The following MYO18B variants were observed in gnomAD, a reference collection of about 807,000 sequenced individuals.
MYO18B encodes the protein unconventional myosin-XVIIIb.
MYO18B carries 204 observed loss-of-function variants against 273.0 expected under a neutral mutation model. The observed-to-expected ratio is 0.75, with a 90% CI of 0.67 to 0.84. MYO18B has a LOEUF of 0.84. MYO18B is among the 40% of genes least tolerant of loss of function. The probability of loss-of-function intolerance (pLI) is 0.00; values close to 1 mark genes in which losing one functional copy is unlikely to be tolerated. For missense variants in MYO18B, 3,212 were observed against 3,287.6 expected (o/e 0.98, Z 0.56); for synonymous variants, 1,330 against 1,305.7 (o/e 1.02, Z -0.40).
intron 3 of MYO18B, among the ~76,000 whole-genome samples, chr22:25,764,953 G>A (rs1029083024): frequency 6.6e-6 from 1 of 152,200 alleles, no homozygotes; most frequent in Non-Finnish European, 1.5e-5. Flanking sequence ...GGGAGAGCCT[G>A]TGTGTTCTCT....
intron 34 of MYO18B, among the ~76,000 whole-genome samples, chr22:25,932,973 A>G (rs1035625101): frequency 2.0e-5 from 3 of 152,210 alleles, no homozygotes; most frequent in East Asian, 3.9e-4. Flanking sequence ...AAATTTTGCC[A>G]ATTACCCCCC....
At chr22:26,040,479 A>C in the MYO18B span, among the ~76,000 whole-genome samples, 1 of 152,212 alleles carries the variant, frequency 6.6e-6, no homozygotes, top group African/African-American at 2.4e-5. Flanking sequence ...GGGTGGGAGC[A>C]AATGGTAAAC....
intron 11 of MYO18B, among the ~76,000 whole-genome samples, 198 bp downstream of exon 11, chr22:25,785,689 C>A (rs942974302): frequency 1.3e-5 from 2 of 152,104 alleles, no homozygotes; most frequent in Non-Finnish European, 2.9e-5. Context: ...ATAAAGGAAA[C>A]CAGACATAGT....
intron 12 of MYO18B, among the ~76,000 whole-genome samples, chr22:25,811,269 C>T (rs1056616333): frequency 3.9e-5 from 6 of 151,908 alleles, no homozygotes; most frequent in Admixed American, 3.3e-4. Flanking sequence ...GTAATCCTCC[C>T]ACTTCGGTCT....
At chr22:25,956,877 G>C (rs913002839) in intron 39 of MYO18B, among the ~76,000 whole-genome samples, 15 of 152,096 alleles carry the variant, frequency 9.9e-5, no homozygotes, top group African/African-American at 3.6e-4. Context: ...ATATGTCTCG[G>C]GCTACTGTCT....
chr22:25,836,251 C>T (rs968224874), intron 17 of MYO18B, among the ~76,000 whole-genome samples: 1 of 152,162 alleles, frequency 6.6e-6, no homozygotes, highest in Non-Finnish European at 1.5e-5. Flanking sequence ...GCAAACCTCT[C>T]GTAGTCTTAG....
At chr22:25,853,897 G>A (rs1427279009) in intron 21 of MYO18B, among the ~76,000 whole-genome samples, 1 of 152,132 alleles carries the variant, frequency 6.6e-6, no homozygotes, top group Non-Finnish European at 1.5e-5. Flanking sequence ...GCAACGAAAA[G>A]AAACATCATC....
At chr22:25,792,340 C>T (rs560362416) in intron 11 of MYO18B, among the ~76,000 whole-genome samples, 1 of 151,034 alleles carries the variant, frequency 6.6e-6, no homozygotes, top group South Asian at 2.1e-4. Flanking sequence ...TAAATGGACT[C>T]TTGATGCTGA....
chr22:25,778,651 TTTTTA>T (rs1321130875), intron 8 of MYO18B, among the ~76,000 whole-genome samples: 2 of 151,932 alleles, frequency 1.3e-5, no homozygotes, highest in African/African-American at 2.4e-5. Flanking sequence ...GGCTATTTTA[TTTTTA>T]TTTTTTGTAT....
chr22:25,766,363 A>G (rs1193961534), intron 3 of MYO18B, among the ~76,000 whole-genome samples: 1 of 152,174 alleles, frequency 6.6e-6, no homozygotes, highest in Non-Finnish European at 1.5e-5. Flanking sequence ...AATGATAGAT[A>G]CTATTATTAT....
At chr22:25,900,090 C>T (rs2091901546) in intron 29 of MYO18B, among the ~76,000 whole-genome samples, 1 of 152,138 alleles carries the variant, frequency 6.6e-6, no homozygotes, top group African/African-American at 2.4e-5. Context: ...TGGACAGAAT[C>T]CCTCATTCCA....
chr22:25,750,169 A>T (rs1049780198), intron 1 of MYO18B, among the ~76,000 whole-genome samples: 11 of 152,164 alleles, frequency 7.2e-5, no homozygotes, highest in Non-Finnish European at 1.6e-4. Context: ...CTGTCAGAGG[A>T]GGGAGCTGCT....
At chr22:26,019,825 A>G (rs1432057872) in intron 42 of MYO18B, among the ~76,000 whole-genome samples, 2 of 152,206 alleles carry the variant, frequency 1.3e-5, no homozygotes, top group South Asian at 2.1e-4. Flanking sequence ...GGCCCAGGCT[A>G]TGACCACACT....
chr22:25,951,333 C>A (rs1394031920), intron 37 of MYO18B, among the ~76,000 whole-genome samples: 1 of 152,166 alleles, frequency 6.6e-6, no homozygotes, highest in East Asian at 1.9e-4. Context: ...TTCTTTTATT[C>A]ATCAGTTCAT....
intron 28 of MYO18B, chr22:25,896,692 A>G (rs973523): frequency 0.42 from 64,201 of 151,512 alleles, 15,909 homozygotes; most frequent in Middle Eastern, 0.58. Context: ...GCCTCCAACT[A>G]TCCCTCGTCT....
At chr22:25,937,932 C>T (rs986922630) in intron 34 of MYO18B, among the ~76,000 whole-genome samples, 2 of 152,164 alleles carry the variant, frequency 1.3e-5, no homozygotes, top group East Asian at 3.9e-4. Flanking sequence ...GATGTTAGGG[C>T]TGTCTCTAGT....
intron 34 of MYO18B, among the ~76,000 whole-genome samples, chr22:25,940,734 G>A (rs1407832793): frequency 1.3e-5 from 2 of 152,122 alleles, no homozygotes; most frequent in African/African-American, 4.8e-5. Flanking sequence ...TGAACTCCAG[G>A]CTTCCAGGAC....
chr22:26,013,986 G>T (rs1935110588), intron 42 of MYO18B, among the ~76,000 whole-genome samples: 1 of 151,974 alleles, frequency 6.6e-6, no homozygotes, highest in East Asian at 1.9e-4. Flanking sequence ...ATTTTTATAA[G>T]AAAAGTTCTT....
intron 21 of MYO18B, among the ~76,000 whole-genome samples, chr22:25,853,016 G>T (rs1032368061): frequency 6.6e-6 from 1 of 152,218 alleles, no homozygotes; most frequent in Non-Finnish European, 1.5e-5. Context: ...AGATGAAAGA[G>T]TACTCCATGA....
Sources: allele counts gnomAD v4.1 joint callset (sites outside exome capture counted in the v4.1 genomes callset), GRCh38; gene constraint gnomAD v4.1.1; transcripts MANE v1.5; gene names NCBI Gene and HGNC (gene_info 2026-07-23, HGNC 2026-07-21).